CELF1: variants seen among roughly 807,000 people sequenced by gnomAD.
CELF1 encodes the protein 50 kDa nuclear polyadenylated RNA-binding protein.
CELF1 carries 10 observed loss-of-function variants against 61.8 expected under a neutral mutation model. The ratio of observed to expected loss-of-function variants is 0.16; its 90% CI spans 0.10 to 0.27. The LOEUF (loss-of-function observed/expected upper bound fraction) is 0.27, where lower values mean the gene tolerates loss of function less well. Among genes scored for constraint, CELF1 ranks in the 10% least tolerant of loss-of-function variants. CELF1 has a pLI of 1.00. For synonymous variants in CELF1, 236 were observed against 225.1 expected (o/e 1.05, Z -0.43); for missense variants, 380 against 639.1 (o/e 0.59, Z 4.37).
At chr11:47,499,809 G>A (rs1460737279) in intron 2 of CELF1, 4 of 402,610 alleles carry the variant, frequency 9.9e-6, no homozygotes, top group African/African-American at 2.0e-5. Flanking sequence ...TTTCCCTGGC[G>A]AAGCAGTACT....
rs766135256 is a variant in CELF1, at chr11:47,484,563, T to G, written c.392-40A>C. The G allele has an allele frequency of 7.6e-6, 12 of 1,578,126 alleles. No individual in the cohort carries two copies. The Admixed American group carries it at 2.3e-4, about 30-fold the overall frequency. ...CAGAAAAGACTTGAATATTACTACTTAAAGAGGCAATGTGGCACAGATTTG... is the reference window on the plus strand; with the variant it reads ...CAGAAAAGACTTGAATATTACTACTGAAAGAGGCAATGTGGCACAGATTTG... On this transcript the variant is annotated intron_variant, in intron 6 of 14. Coordinates refer to ENST00000687097, the MANE Select transcript of CELF1 (RefSeq NM_001376376.1).
chr11:47,489,935 G>GTTTTTTTTTTTTTTTGTTTTTTTTT (rs2090305885), intron 3 of CELF1, among the ~76,000 whole-genome samples: 2 of 48,226 alleles, frequency 4.1e-5, no homozygotes, highest in Non-Finnish European at 7.8e-5. Context: ...ATACCATCTT[G>GTTTTTTTTTTTTTTTGTTTTTTTTT]TTTTTTTTTT....
chr11:47,524,509 A>T (rs571013717), intron 1 of CELF1: 1 of 152,366 alleles, frequency 6.6e-6, no homozygotes, highest in African/African-American at 2.4e-5. Context: ...AAAACAACAA[A>T]GACAAACGAG....
chr11:47,504,315 G>C (rs1044688033), intron 1 of CELF1, among the ~76,000 whole-genome samples: 3 of 151,866 alleles, frequency 2.0e-5, no homozygotes, highest in African/African-American at 7.3e-5. Context: ...GCTGGGCACA[G>C]TGGGAAACGC....
intron 1 of CELF1, among the ~76,000 whole-genome samples, chr11:47,510,660 T>C (rs536060662): frequency 6.6e-6 from 1 of 152,174 alleles, no homozygotes; most frequent in East Asian, 1.9e-4. Flanking sequence ...CTAATTTTTG[T>C]ATTTTTTGTA....
chr11:47,520,203 A>C (rs2095810867), intron 1 of CELF1, among the ~76,000 whole-genome samples: 1 of 152,230 alleles, frequency 6.6e-6, no homozygotes, highest in African/African-American at 2.4e-5. Flanking sequence ...TATCTAAGGG[A>C]AAATGTTACC....
chr11:47,498,618 T>C (rs1278862732), intron 3 of CELF1, among the ~76,000 whole-genome samples: 1 of 152,190 alleles, frequency 6.6e-6, no homozygotes, highest in African/African-American at 2.4e-5. Context: ...AACCTAAAGC[T>C]CATTTGCTGG....
intron 3 of CELF1, among the ~76,000 whole-genome samples, chr11:47,496,477 T>C (rs578235600): frequency 1.3e-5 from 2 of 152,330 alleles, no homozygotes; most frequent in Admixed American, 6.5e-5. Flanking sequence ...CTTGAGGCAA[T>C]GTCACTGAAA....
In CELF1 at chr11:47,553,132, C is replaced by A; in HGVS notation, c.-294G>T. 1 of 396,318 alleles carries A rather than the reference C, an allele frequency of 2.5e-6. No homozygotes were observed. Among genetic ancestry groups the A allele is most frequent in the South Asian group, 1.3e-4 (1 of 7,900 alleles). The allele number at this position is 396,318 out of a possible 1,614,324, so 24.6% of individuals were successfully genotyped here. On this transcript the variant is annotated 5_prime_UTR_variant, in exon 1 of 15. Transcript: ENST00000687097. ...CTGCCGCTGCCGCCAGAGCAGAACACCCCAAAATGGCGGCACTTCCGGCAC... is the reference window on the plus strand; with the variant it reads ...CTGCCGCTGCCGCCAGAGCAGAACAACCCAAAATGGCGGCACTTCCGGCAC...
chr11:47,508,919 G>A (rs537343746), intron 1 of CELF1, among the ~76,000 whole-genome samples: 9 of 152,010 alleles, frequency 5.9e-5, no homozygotes, highest in African/African-American at 9.7e-5. Flanking sequence ...ACAGGCATGC[G>A]CCACCATGCC....
At chr11:47,501,958 A>G (rs562769595) in intron 1 of CELF1, among the ~76,000 whole-genome samples, 8 of 152,364 alleles carry the variant, frequency 5.3e-5, no homozygotes, top group African/African-American at 1.9e-4. Flanking sequence ...TCAGAATCAC[A>G]TCTATAACAA....
chr11:47,474,164 T>G (rs1345247045), intron 13 of CELF1, among the ~76,000 whole-genome samples: 1 of 152,234 alleles, frequency 6.6e-6, no homozygotes, highest in East Asian at 1.9e-4. Context: ...CTCAAAGTGC[T>G]GGGATTACAG....
chr11:47,564,996 G>C (rs563359786), intron 1 of CELF1, among the ~76,000 whole-genome samples: 19 of 152,062 alleles, frequency 1.2e-4, no homozygotes, highest in Non-Finnish European at 2.5e-4. Context: ...ACAGGGGAGG[G>C]GAGGAGGAAG....
In CELF1 at chr11:47,469,302, C is replaced by T. The variant is rs532658738; in HGVS notation, c.*2928G>A. 1 of 152,384 alleles carries T rather than the reference C, an allele frequency of 6.6e-6. No homozygotes were observed. The highest frequency in any genetic ancestry group is 6.5e-5 in the Admixed American group (1 of 15,308). 9.4% of individuals were successfully genotyped at this position (152,384 alleles called of 1,614,324 possible). A position where few individuals can be genotyped will look rare whatever the true frequency, so the allele number is the denominator to read the frequency against. On this transcript the variant is annotated 3_prime_UTR_variant, in exon 15 of 15. Transcript: ENST00000687097. ...AAGAGGACCAGAATTTCTGCTCAAT[C>T]TTATGGGGATGGCCCTTTGTTCCCA... is the stretch of plus-strand genomic sequence containing the variant.
At chr11:47,475,293 A>G (rs1467876855) in intron 13 of CELF1, 43 bp downstream of exon 13, 1 of 1,599,374 alleles carries the variant, frequency 6.3e-7, no homozygotes. Flanking sequence ...TATAGGAGGA[A>G]AACCGCCCCC....
chr11:47,529,488 A>G (rs1444702706), intron 1 of CELF1, among the ~76,000 whole-genome samples: 2 of 152,116 alleles, frequency 1.3e-5, no homozygotes, highest in Non-Finnish European at 2.9e-5. Flanking sequence ...GGAGTTCGAG[A>G]GCAGCCTGGC....
chr11:47,558,813 A>C (rs1420892552), intron 2 of CELF1, among the ~76,000 whole-genome samples: 2 of 127,016 alleles, frequency 1.6e-5, no homozygotes, highest in Non-Finnish European at 3.1e-5. Context: ...CCAATAATAT[A>C]TATATTGCAG....
chr11:47,516,021 G>A (rs745942614), intron 1 of CELF1, among the ~76,000 whole-genome samples: 2 of 150,904 alleles, frequency 1.3e-5, no homozygotes, highest in Non-Finnish European at 3.0e-5. Context: ...GGTTCAACAT[G>A]GTGAAACCCT....
In CELF1 at chr11:47,475,421, T is replaced by C. The variant is rs752515334; in HGVS notation, c.1188A>G (p.Gln396=). 6.2e-7 allele frequency: 1 copy of C among 1,614,082 alleles called. No homozygotes were observed. Among genetic ancestry groups the C allele is most frequent in the Non-Finnish European group, 8.5e-7 (1 of 1,180,034 alleles). ...ALTQAYSGIQ[Q]YAAAALPTLY... ...GAGTGGGGAGCGCAGCAGCAGCATA[T>C]TGCTGGATACCCGAGTAGGCCTGAG... Residue 396 remains glutamine (Q), a synonymous_variant, in exon 13 of 15, where the codon CAA becomes CAG. Coordinates refer to ENST00000687097, the MANE Select transcript of CELF1 (RefSeq NM_001376376.1).
Sources: allele counts gnomAD v4.1 joint callset (sites outside exome capture counted in the v4.1 genomes callset), GRCh38; gene constraint gnomAD v4.1.1; transcripts MANE v1.5; gene names NCBI Gene and HGNC (gene_info 2026-07-23, HGNC 2026-07-21).